The following ATP2B2 variants were observed in gnomAD, a reference collection of about 807,000 sequenced individuals.
ATP2B2 encodes ATPase plasma membrane Ca2+ transporting 2.
A neutral mutation model predicts 120.0 loss-of-function variants in ATP2B2; 15 were observed. The observed-to-expected ratio is 0.12, with a 90% CI of 0.08 to 0.19. ATP2B2 has a LOEUF of 0.19. Ranked by LOEUF, ATP2B2 falls within the 10% of genes least tolerant of loss-of-function variation. The pLI is 1.00. For missense variants in ATP2B2, 1,045 were observed against 1,719.8 expected, an observed-to-expected ratio of 0.61 and a Z score of 6.94; for synonymous variants, 694 against 700.3, an observed-to-expected ratio of 0.99 and a Z score of 0.14.
intron 1 of ATP2B2, among the ~76,000 whole-genome samples, chr3:10,696,643 C>T (rs2071746068): frequency 6.6e-6 from 1 of 152,226 alleles, no homozygotes; most frequent in South Asian, 2.1e-4. Context: ...GCAGCCCTGA[C>T]ACCCCCTCAC....
chr3:10,385,403 C>G, intron 7 of ATP2B2, 76 bp from the exon 8 acceptor site: 1 of 1,297,894 alleles, frequency 7.7e-7, no homozygotes, highest in African/African-American at 1.5e-5. Context: ...CATGAACCAA[C>G]TTGTGGGGAG....
intron 6 of ATP2B2, among the ~76,000 whole-genome samples, chr3:10,387,702 T>C (rs1220427425): frequency 6.6e-6 from 1 of 152,122 alleles, no homozygotes; most frequent in African/African-American, 2.4e-5. Context: ...GCCCAGTGAA[T>C]AAGGAATCTT....
chr3:10,520,655 G>A (rs866020966), intron 3 of ATP2B2, among the ~76,000 whole-genome samples: 2 of 151,790 alleles, frequency 1.3e-5, no homozygotes, highest in African/African-American at 4.8e-5. Context: ...TTTTTAGCTG[G>A]GGTTTCGCCA....
At position 10,339,759 on chromosome 3, in the gene ATP2B2, T is replaced by C. The variant is rs373274610; in HGVS notation, c.3237+483A>G. On this transcript the variant is annotated intron_variant, in intron 21 of 22. Transcript: ENST00000360273. ...CTCTGAGTGCTCTAAAGGATCCTGA[T>C]TGACGCCAGCCGGCCACCAGCGCCC... Among the ~76,000 whole-genome samples the C allele has an allele frequency of 2.3e-3, 343 of 152,272 alleles. No individual in the cohort carries two copies. The Middle Eastern group carries it at 0.027, about 12-fold the overall frequency.
chr3:10,512,970 C>T (rs1253648903), intron 3 of ATP2B2, among the ~76,000 whole-genome samples: 1 of 152,234 alleles, frequency 6.6e-6, no homozygotes, highest in East Asian at 1.9e-4. Flanking sequence ...CTTCCTGCTT[C>T]TCCATCGACT....
chr3:10,616,992 C>T (rs2069407195), intron 2 of ATP2B2, among the ~76,000 whole-genome samples: 1 of 152,136 alleles, frequency 6.6e-6, no homozygotes, highest in Non-Finnish European at 1.5e-5. Flanking sequence ...ACATTTTCTC[C>T]TCCATTATTA....
At chr3:10,611,227 T>C (rs921558166) in intron 2 of ATP2B2, among the ~76,000 whole-genome samples, 1 of 152,176 alleles carries the variant, frequency 6.6e-6, no homozygotes, top group Non-Finnish European at 1.5e-5. Flanking sequence ...CCCCACATGT[T>C]GTTTTAGGTC....
Position 10,358,715 on chromosome 3 carries a change from G to A in ATP2B2, c.2112C>T (p.Gly704=). The A allele has an allele frequency of 6.2e-7, 1 of 1,614,182 alleles. No homozygotes were observed. The highest frequency in any genetic ancestry group is 8.5e-7 in the Non-Finnish European group (1 of 1,180,026). The change falls in exon 14 of 23, where the codon GGC becomes GGT. Residue 704 remains glycine (G), a synonymous_variant. Coordinates refer to ENST00000360273, the MANE Select transcript of ATP2B2 (RefSeq NM_001001331.4). ...LNELTCICVV[G]IEDPVRPEVP... Reference sequence around the variant, plus strand: ...CCTCTGGCCGCACCGGGTCCTCGATGCCCACCACGCAGATGCAGGTGAGTT... The same window carrying A: ...CCTCTGGCCGCACCGGGTCCTCGATACCCACCACGCAGATGCAGGTGAGTT...
intron 1 of ATP2B2, among the ~76,000 whole-genome samples, chr3:10,639,277 G>T (rs73035788): frequency 0.051 from 7,718 of 152,228 alleles, 234 homozygotes; most frequent in South Asian, 0.18. Flanking sequence ...TGCAGGCATG[G>T]GGTTATGGGA....
chr3:10,450,705 G>A (rs1477067236), intron 1 of ATP2B2, among the ~76,000 whole-genome samples: 2 of 152,202 alleles, frequency 1.3e-5, no homozygotes, highest in Admixed American at 6.5e-5. Context: ...CCAGCACCAG[G>A]GACAGCGGCT....
intron 1 of ATP2B2, among the ~76,000 whole-genome samples, chr3:10,661,637 A>G (rs2070783101): frequency 6.6e-6 from 1 of 152,218 alleles, no homozygotes; most frequent in African/African-American, 2.4e-5. Flanking sequence ...ATGCTCATGG[A>G]TAGGAAGAAT....
intron 1 of ATP2B2, among the ~76,000 whole-genome samples, chr3:10,706,660 A>G (rs979657401): frequency 2.0e-5 from 3 of 152,218 alleles, no homozygotes; most frequent in African/African-American, 4.8e-5. Context: ...ACCAGCTGGT[A>G]GCCAAAATGT....
intron 1 of ATP2B2, among the ~76,000 whole-genome samples, chr3:10,658,325 C>A (rs2070691629): frequency 1.6e-5 from 2 of 125,730 alleles, no homozygotes; most frequent in Non-Finnish European, 3.9e-5. Context: ...GAACCCATCA[C>A]AAAGAAGCTA....
At chr3:10,390,192 C>T (rs2061802906) in intron 5 of ATP2B2, among the ~76,000 whole-genome samples, 1 of 152,162 alleles carries the variant, frequency 6.6e-6, no homozygotes, top group South Asian at 2.1e-4. Context: ...CTCACTTCTG[C>T]TTTTCAGAGT....
intron 1 of ATP2B2, among the ~76,000 whole-genome samples, chr3:10,668,172 A>G (rs1195468591): frequency 6.6e-6 from 1 of 152,218 alleles, no homozygotes; most frequent in Non-Finnish European, 1.5e-5. Context: ...GAGGCTCACC[A>G]ATGTCCTGCA....
At chr3:10,456,614 C>T (rs951173587) in intron 1 of ATP2B2, among the ~76,000 whole-genome samples, 1 of 152,240 alleles carries the variant, frequency 6.6e-6, no homozygotes, top group South Asian at 2.1e-4. Flanking sequence ...TGCCTCCAAT[C>T]GCTCCCAGAC....
chr3:10,447,707 G>C (rs973864873), intron 2 of ATP2B2, among the ~76,000 whole-genome samples: 1 of 152,178 alleles, frequency 6.6e-6, no homozygotes, highest in Admixed American at 6.5e-5. Flanking sequence ...CCAGGGATAA[G>C]TGAGCACAAG....
intron 2 of ATP2B2, among the ~76,000 whole-genome samples, chr3:10,579,398 T>C (rs1248630675): frequency 3.9e-5 from 6 of 152,168 alleles, no homozygotes; most frequent in Admixed American, 2.6e-4. Context: ...AAGGGCCCAG[T>C]GCGGTGGCTC....
At chr3:10,529,420 A>G (rs930604475) in intron 3 of ATP2B2, among the ~76,000 whole-genome samples, 8 of 152,202 alleles carry the variant, frequency 5.3e-5, no homozygotes, top group African/African-American at 1.9e-4. Flanking sequence ...GTGCTGAGAA[A>G]GAGCTCAGCT....
Sources: allele counts gnomAD v4.1 joint callset (sites outside exome capture counted in the v4.1 genomes callset), GRCh38; gene constraint gnomAD v4.1.1; transcripts MANE v1.5; gene names NCBI Gene and HGNC (gene_info 2026-07-23, HGNC 2026-07-21).